The following PTPRD variants were observed in gnomAD, a reference collection of about 807,000 sequenced individuals.
PTPRD encodes receptor-type tyrosine-protein phosphatase delta.
In PTPRD, 34 loss-of-function variants were observed where a neutral mutation model predicts 214.5. The observed-to-expected ratio is 0.16, with a 90% confidence interval of 0.12 to 0.21. The LOEUF (loss-of-function observed/expected upper bound fraction) is 0.21, where lower values mean the gene tolerates loss of function less well. Ranked by LOEUF, PTPRD falls within the 10% of genes least tolerant of loss-of-function variation. The pLI is 1.00. For synonymous variants in PTPRD, 1,128 were observed against 845.7 expected, an observed-to-expected ratio of 1.33 and a Z score of -5.79; for missense variants, 2,545 against 2,398.7, an observed-to-expected ratio of 1.06 and a Z score of -1.27.
At chr9:8,436,722 A>T in intron 34 of PTPRD, 33 bp from the exon 35 acceptor site, 1 of 1,507,246 alleles carries the variant, frequency 6.6e-7, no homozygotes, top group Admixed American at 1.7e-5. Context: ...AACACATTTG[A>T]AAACAAATGA....
intron 14 of PTPRD, among the ~76,000 whole-genome samples, chr9:8,625,664 TA>T (rs926100168): frequency 2.7e-5 from 4 of 148,834 alleles, no homozygotes; most frequent in South Asian, 2.1e-4. Context: ...ATCTATCAAT[TA>T]AAAAAAAATC....
At chr9:9,053,476 G>T (rs960926977) in intron 10 of PTPRD, among the ~76,000 whole-genome samples, 16 of 152,054 alleles carry the variant, frequency 1.1e-4, no homozygotes, top group Admixed American at 7.9e-4. Flanking sequence ...TTGAAGAGCT[G>T]ATGTATTTTG....
intron 10 of PTPRD, among the ~76,000 whole-genome samples, chr9:9,165,707 G>A (rs2099902014): frequency 6.6e-6 from 1 of 152,086 alleles, no homozygotes; most frequent in Admixed American, 6.6e-5. Flanking sequence ...ACATTTCACG[G>A]GGGGCCACAT....
intron 12 of PTPRD, among the ~76,000 whole-genome samples, chr9:8,647,925 C>T (rs1480288611): frequency 6.6e-6 from 1 of 152,218 alleles, no homozygotes; most frequent in Non-Finnish European, 1.5e-5. Flanking sequence ...AACCTTCTAG[C>T]TCTCGCATCA....
intron 10 of PTPRD, among the ~76,000 whole-genome samples, chr9:9,078,659 G>C (rs1292006315): frequency 6.6e-6 from 1 of 151,836 alleles, no homozygotes; most frequent in Non-Finnish European, 1.5e-5. Flanking sequence ...TTTTTACTGG[G>C]GAGTGTTCTC....
intron 11 of PTPRD, among the ~76,000 whole-genome samples, chr9:8,788,625 A>G (rs560195571): frequency 6.6e-6 from 1 of 152,172 alleles, no homozygotes; most frequent in Admixed American, 6.6e-5. Context: ...AAAATCAGCA[A>G]AGGAAAAGTT....
chr9:9,661,571 T>C (rs920813475), intron 7 of PTPRD, among the ~76,000 whole-genome samples: 2 of 151,830 alleles, frequency 1.3e-5, no homozygotes, highest in African/African-American at 4.8e-5. Flanking sequence ...TATACAGAAT[T>C]TTCATATATG....
At chr9:10,244,841 T>C (rs1181106616) in intron 3 of PTPRD, among the ~76,000 whole-genome samples, 1 of 149,774 alleles carries the variant, frequency 6.7e-6, no homozygotes, top group African/African-American at 2.5e-5. Flanking sequence ...TGCTGTTTTC[T>C]AGCTGCTTCT....
chr9:9,974,317 C>G (rs1306265737), intron 4 of PTPRD, among the ~76,000 whole-genome samples: 1 of 152,154 alleles, frequency 6.6e-6, no homozygotes, highest in East Asian at 1.9e-4. Context: ...GCACAGCTGG[C>G]TAATACCAAA....
At chr9:9,224,219 A>G (rs990698261) in intron 9 of PTPRD, among the ~76,000 whole-genome samples, 1 of 152,016 alleles carries the variant, frequency 6.6e-6, no homozygotes, top group African/African-American at 2.4e-5. Context: ...CAAGAGTAAG[A>G]AGCCTAGGCA....
chr9:9,379,774 T>G (rs2061691513), intron 9 of PTPRD, among the ~76,000 whole-genome samples: 1 of 152,024 alleles, frequency 6.6e-6, no homozygotes, highest in Admixed American at 6.6e-5. Flanking sequence ...TACCTACTGT[T>G]TATTTCTGAA....
At chr9:9,703,514 T>C (rs2097540552) in intron 7 of PTPRD, among the ~76,000 whole-genome samples, 1 of 152,186 alleles carries the variant, frequency 6.6e-6, no homozygotes, top group African/African-American at 2.4e-5. Flanking sequence ...CCCAGACTTA[T>C]GGAATCGTCA....
chr9:10,598,592 C>G (rs535771540), intron 2 of PTPRD, among the ~76,000 whole-genome samples: 2 of 151,580 alleles, frequency 1.3e-5, no homozygotes, highest in East Asian at 3.9e-4. Flanking sequence ...AGAAATTTGC[C>G]ATAAGAATTT....
intron 33 of PTPRD, among the ~76,000 whole-genome samples, chr9:8,450,378 T>A (rs2095889165): frequency 6.6e-6 from 1 of 152,158 alleles, no homozygotes; most frequent in Admixed American, 6.5e-5. Flanking sequence ...CAAGTTATCC[T>A]AATGCCTAGG....
intron 10 of PTPRD, among the ~76,000 whole-genome samples, chr9:9,158,063 G>T (rs7874806): frequency 0.012 from 1,870 of 152,174 alleles, 33 homozygotes; most frequent in African/African-American, 0.042. Flanking sequence ...CCTTTTCATG[G>T]CTGCATAGTA....
intron 2 of PTPRD, among the ~76,000 whole-genome samples, chr9:10,461,325 A>T (rs1463378159): frequency 2.0e-5 from 3 of 148,230 alleles, no homozygotes; most frequent in Non-Finnish European, 4.5e-5. Context: ...ATTTCTAATG[A>T]AATTAAAAAT....
chr9:9,703,813 C>A (rs561773878), intron 7 of PTPRD, among the ~76,000 whole-genome samples: 2 of 152,166 alleles, frequency 1.3e-5, no homozygotes, highest in Admixed American at 1.3e-4. Context: ...AAAATGTATA[C>A]AGTATTTTAA....
At chr9:9,492,512 G>T (rs2095961985) in intron 8 of PTPRD, among the ~76,000 whole-genome samples, 1 of 152,054 alleles carries the variant, frequency 6.6e-6, no homozygotes, top group Admixed American at 6.5e-5. Context: ...ACATATGACA[G>T]CTGATTAATG....
At chr9:9,818,085 T>C (rs896838835) in intron 5 of PTPRD, among the ~76,000 whole-genome samples, 9 of 152,194 alleles carry the variant, frequency 5.9e-5, no homozygotes, top group African/African-American at 1.7e-4. Context: ...ATGATACTTA[T>C]TTAGCTGATA....
Sources: allele counts gnomAD v4.1 joint callset (sites outside exome capture counted in the v4.1 genomes callset), GRCh38; gene constraint gnomAD v4.1.1; transcripts MANE v1.5; gene names NCBI Gene and HGNC (gene_info 2026-07-23, HGNC 2026-07-21).